The following SNX6 variants were observed in gnomAD, a reference collection of about 807,000 sequenced individuals.
The protein encoded by SNX6 is sorting nexin 6.
SNX6 carries 34 observed loss-of-function variants against 63.0 expected under a neutral mutation model. The ratio of observed to expected loss-of-function variants is 0.54; its 90% CI spans 0.41 to 0.72. SNX6 has a LOEUF of 0.72. Ranked by LOEUF, SNX6 falls within the 30% of genes least tolerant of loss-of-function variation. The pLI is 0.00. For synonymous variants in SNX6, 170 were observed against 164.2 expected (o/e 1.04, Z -0.27); for missense variants, 398 against 471.4 (o/e 0.84, Z 1.44).
chr14:34,566,600 T>G (rs1170232269), intron 13 of SNX6, among the ~76,000 whole-genome samples: 1 of 152,232 alleles, frequency 6.6e-6, no homozygotes, highest in Admixed American at 6.5e-5. Context: ...GGTATTAGAT[T>G]CTTTCAGAGC....
At chr14:34,564,422 AT>A (rs1360383155) in intron 13 of SNX6, among the ~76,000 whole-genome samples, 3 of 152,182 alleles carry the variant, frequency 2.0e-5, no homozygotes, top group African/African-American at 2.4e-5. Flanking sequence ...GTCTCCAGAT[AT>A]TGCAAAATGT....
intron 9 of SNX6, among the ~76,000 whole-genome samples, chr14:34,585,573 T>C (rs143225212): frequency 1.1e-3 from 168 of 152,194 alleles, no homozygotes; most frequent in Non-Finnish European, 1.4e-3. Context: ...AGGCTGCCAA[T>C]AGAAAATTTT....
intron 9 of SNX6, among the ~76,000 whole-genome samples, chr14:34,585,136 G>C (rs750369771): frequency 4.6e-5 from 7 of 152,144 alleles, no homozygotes; most frequent in Non-Finnish European, 7.4e-5. Context: ...ACTGGCGTGA[G>C]CCACCATGCC....
chr14:34,568,828 GC>G, intron 11 of SNX6: 1 of 1,043,942 alleles, frequency 9.6e-7, no homozygotes, highest in African/African-American at 1.6e-5. Context: ...GACCCGGTGG[GC>G]CACATTCTTG....
intron 2 of SNX6, among the ~76,000 whole-genome samples, chr14:34,620,851 G>C (rs1883595082): frequency 6.6e-6 from 1 of 152,034 alleles, no homozygotes; most frequent in Admixed American, 6.6e-5. Context: ...TGAGACACAA[G>C]AAACTGCTTA....
chr14:34,621,531 T>G (rs1883619321), intron 2 of SNX6, among the ~76,000 whole-genome samples: 1 of 152,200 alleles, frequency 6.6e-6, no homozygotes, highest in East Asian at 1.9e-4. Context: ...GTCCTACATG[T>G]TAGGGAGACA....
chr14:34,597,999 C>A (rs1345397993), intron 6 of SNX6, among the ~76,000 whole-genome samples: 2 of 152,138 alleles, frequency 1.3e-5, no homozygotes, highest in Non-Finnish European at 2.9e-5. Context: ...AAAATTTTAG[C>A]TCGGGAGTTC....
intron 6 of SNX6, among the ~76,000 whole-genome samples, chr14:34,598,602 T>C (rs907077898): frequency 3.9e-5 from 6 of 152,206 alleles, no homozygotes; most frequent in Non-Finnish European, 8.8e-5. Flanking sequence ...AGAGTGGTCT[T>C]GAACTCCTGA....
chr14:34,620,554 G>A lies in SNX6; in HGVS notation c.54+9353C>T, dbSNP rs147643903. 8.0e-3 allele frequency among the ~76,000 whole-genome samples: 1,224 copies of A among 152,182 alleles called. 14 individuals carry two copies. The highest frequency in any genetic ancestry group is 0.028 in the African/African-American group (1,171 of 41,520). Reference sequence around the variant, plus strand: ...ACCAATGATATTTTTCAGTCTTCTTGGCCTCTATGCAGTATTCTGCCTTGG... The same window carrying A: ...ACCAATGATATTTTTCAGTCTTCTTAGCCTCTATGCAGTATTCTGCCTTGG... On this transcript the variant is annotated intron_variant, in intron 2 of 13. Transcript: ENST00000362031.
chr14:34,568,768 C>T, intron 11 of SNX6: 1 of 911,458 alleles, frequency 1.1e-6, no homozygotes, highest in East Asian at 2.4e-5. Context: ...CAGTTTGCGG[C>T]CCCCATCTTG....
chr14:34,621,042 G>A (rs893368948), intron 2 of SNX6, among the ~76,000 whole-genome samples: 2 of 152,140 alleles, frequency 1.3e-5, no homozygotes, highest in Admixed American at 6.6e-5. Context: ...TCAAACTCCT[G>A]TGATCAAGCA....
At chr14:34,570,104 T>C (rs945944760) in intron 11 of SNX6, among the ~76,000 whole-genome samples, 3 of 151,988 alleles carry the variant, frequency 2.0e-5, no homozygotes, top group Non-Finnish European at 4.4e-5. Context: ...GTTTCGCTGT[T>C]TTTGCCCAGG....
chr14:34,590,838 G>A (rs1230010369), intron 8 of SNX6, among the ~76,000 whole-genome samples: 1 of 152,122 alleles, frequency 6.6e-6, no homozygotes, highest in Non-Finnish European at 1.5e-5. Context: ...AATAGCCAAA[G>A]CTAGAAATAA....
At chr14:34,585,412 T>C (rs913017191) in intron 9 of SNX6, among the ~76,000 whole-genome samples, 1 of 151,800 alleles carries the variant, frequency 6.6e-6, no homozygotes, top group African/African-American at 2.4e-5. Context: ...CCCAGCTACT[T>C]TGGAAGCTGA....
chr14:34,624,804 A>AG (rs1416688804), intron 2 of SNX6, among the ~76,000 whole-genome samples: 7 of 152,118 alleles, frequency 4.6e-5, no homozygotes, highest in Non-Finnish European at 8.8e-5. Flanking sequence ...AGGAAAAAAA[A>AG]AAAAATTTTT....
chr14:34,565,282 G>C (rs184206055), intron 13 of SNX6, among the ~76,000 whole-genome samples: 1 of 151,572 alleles, frequency 6.6e-6, no homozygotes, highest in East Asian at 1.9e-4. Context: ...TTTCACCGTG[G>C]TAGCCAGGAT....
At chr14:34,599,595 G>A (rs975524412) in intron 6 of SNX6, among the ~76,000 whole-genome samples, 25 of 147,894 alleles carry the variant, frequency 1.7e-4, no homozygotes, top group Middle Eastern at 3.4e-3. Flanking sequence ...CAACAAGAGC[G>A]AAACTCTGTC....
intron 11 of SNX6, among the ~76,000 whole-genome samples, chr14:34,574,564 C>T (rs1003393383): frequency 6.8e-6 from 1 of 146,288 alleles, no homozygotes; most frequent in African/African-American, 2.6e-5. Context: ...GCAGGAAAAC[C>T]GCTTGAACCC....
At chr14:34,610,797 GTC>G (rs2138360686) in intron 2 of SNX6, among the ~76,000 whole-genome samples, 1 of 152,168 alleles carries the variant, frequency 6.6e-6, no homozygotes, top group Non-Finnish European at 1.5e-5. Context: ...AACACTCAAA[GTC>G]TTAGCCAGCT....
Sources: gnomAD v4.1 joint callset for allele counts (sites outside exome capture counted in the v4.1 genomes callset) on GRCh38, gnomAD v4.1.1 for gene constraint, MANE v1.5 for transcripts, NCBI Gene and HGNC (gene_info 2026-07-23, HGNC 2026-07-21) for gene names.